The following ABCB4 variants were observed in gnomAD, a reference collection of about 807,000 sequenced individuals.
ABCB4 encodes the protein ATP binding cassette subfamily B member 4, also known as phosphatidylcholine translocator ABCB4.
ABCB4 carries 76 observed loss-of-function variants against 145.7 expected under a neutral mutation model. The observed-to-expected ratio is 0.52, with a 90% confidence interval of 0.43 to 0.63. The LOEUF (loss-of-function observed/expected upper bound fraction) is 0.63. Ranked by LOEUF, ABCB4 falls within the 30% of genes least tolerant of loss-of-function variation. The pLI, the probability that ABCB4 is intolerant of heterozygous loss-of-function variation, is 0.00. For missense variants in ABCB4, 1,234 were observed against 1,553.1 expected (o/e 0.79, Z 3.45); for synonymous variants, 517 against 566.8 (o/e 0.91, Z 1.25).
chr7:87,382,511 A>G, the ABCB4 span: 1 of 1,613,928 alleles, frequency 6.2e-7, no homozygotes, highest in African/African-American at 1.3e-5. Flanking sequence ...TTCAGCTTGC[A>G]CTTCAGCTGG....
chr7:87,375,552 C>A, the ABCB4 span: 1 of 909,358 alleles, frequency 1.1e-6, no homozygotes, highest in Non-Finnish European at 1.7e-6. Flanking sequence ...AAATATTGAT[C>A]AATGTTATGA....
chr7:87,458,409 TAA>T (rs1765376430), intron 4 of ABCB4, among the ~76,000 whole-genome samples: 1 of 152,210 alleles, frequency 6.6e-6, no homozygotes, highest in South Asian at 2.1e-4. Flanking sequence ...GACCCTCTTG[TAA>T]TATGAACCTT....
At chr7:87,394,018 C>T in the ABCB4 span, among the ~76,000 whole-genome samples, 2 of 152,070 alleles carry the variant, frequency 1.3e-5, no homozygotes, top group African/African-American at 2.4e-5. Context: ...ATAAAATATA[C>T]ACAAATCTAC....
chr7:87,462,460 A>G (rs1812524200), intron 4 of ABCB4, among the ~76,000 whole-genome samples: 2 of 152,232 alleles, frequency 1.3e-5, no homozygotes, highest in South Asian at 4.1e-4. Context: ...GCATAGAGAT[A>G]CTCTCATTAC....
At chr7:87,378,575 G>A in the ABCB4 span, among the ~76,000 whole-genome samples, 1 of 152,176 alleles carries the variant, frequency 6.6e-6, no homozygotes, top group Non-Finnish European at 1.5e-5. Flanking sequence ...ACTGCCCAAT[G>A]TGATTGTTGT....
In ABCB4 at chr7:87,408,142, C is replaced by T. The variant is rs772154065; in HGVS notation, c.3174G>A (p.Glu1058=). The T allele has an allele frequency of 2.3e-5, 37 of 1,614,130 alleles. No homozygotes were observed. Among genetic ancestry groups the T allele is most frequent in the Non-Finnish European group, 2.8e-5 (33 of 1,180,044 alleles). The change falls in exon 25 of 28, where the codon GAG becomes GAA. Residue 1058 remains glutamate, a synonymous_variant. Coordinates refer to ENST00000649586, the MANE Select transcript of ABCB4 (RefSeq NM_000443.4). ...GGGCTAGTGTCTGGCCTTTCTTCAC[C>T]TCCAGGCTCAGCCCCTGAAGCACTG... ...NVPVLQGLSL[E]VKKGQTLALV...
At chr7:87,471,761 TGAG>T (rs1435770420) in intron 3 of ABCB4, among the ~76,000 whole-genome samples, 11 of 152,224 alleles carry the variant, frequency 7.2e-5, no homozygotes, top group Admixed American at 6.5e-4. Flanking sequence ...GAAAACCAGA[TGAG>T]GAGACTTCTT....
chr7:87,385,023 G>C, the ABCB4 span, among the ~76,000 whole-genome samples: 7 of 152,004 alleles, frequency 4.6e-5, no homozygotes. Context: ...TTTATTTCTG[G>C]GTTCTCTATT....
In ABCB4 at chr7:87,443,750, T is replaced by G; in HGVS notation, c.1143A>C (p.Ser381=). The G allele has an allele frequency of 6.2e-7, 1 of 1,613,650 alleles. No homozygotes were observed. Among genetic ancestry groups the G allele is most frequent in the Non-Finnish European group, 8.5e-7 (1 of 1,179,634 alleles). ...TGCTGTCTGGTTTGTGTCCTCTCTC[T>G]GAAAAACTGTCAATTTTAGGATTCT... ...IDNNPKIDSF[S]ERGHKPDSIK... Residue 381 remains serine, a synonymous_variant, in exon 11 of 28, where the codon TCA becomes TCC. Transcript: ENST00000649586.
the ABCB4 span, chr7:87,369,789 T>G: frequency 6.6e-6 from 1 of 151,214 alleles, no homozygotes; most frequent in Admixed American, 6.7e-5. Flanking sequence ...CCTGTTGCAA[T>G]GAATTTACAT....
intron 6 of ABCB4, chr7:87,452,352 C>A: frequency 6.0e-6 from 1 of 167,930 alleles, no homozygotes; most frequent in African/African-American, 2.5e-5. Context: ...TGGAGGTTTA[C>A]AAGGCCCTAA....
chr7:87,389,438 C>G, the ABCB4 span, among the ~76,000 whole-genome samples: 36 of 152,102 alleles, frequency 2.4e-4, no homozygotes, highest in Non-Finnish European at 3.1e-4. Flanking sequence ...GAATACTATG[C>G]AGCCATAAAA....
rs1178336780 is a variant in ABCB4, at chr7:87,426,928, A to G, written c.1894-8T>C. 1.9e-6 allele frequency: 3 copies of G among 1,598,728 alleles called. No individual in the cohort carries two copies. The highest frequency in any genetic ancestry group is 2.8e-5 in the African/African-American group (2 of 71,866). The stretch of plus-strand genomic sequence containing the variant: ...GATCTGGCTTCCTGATGTCTGAAAG[A>G]ATATCAAGACATTAAAGTGTGTGTG... On this transcript the variant is annotated splice_region_variant and splice_polypyrimidine_tract_variant and intron_variant, in intron 15 of 27. Transcript: ENST00000649586.
chr7:87,422,321 C>T (rs1220473762), intron 17 of ABCB4, 96 bp from the exon 18 acceptor site: 2 of 938,876 alleles, frequency 2.1e-6, no homozygotes, highest in East Asian at 5.2e-5. Context: ...ATGTTTAAAA[C>T]TAGGCTTCAA....
At chr7:87,375,210 C>T in the ABCB4 span, 1 of 157,552 alleles carries the variant, frequency 6.3e-6, no homozygotes. Flanking sequence ...ACAGTAAGTC[C>T]TCTGGTTAAA....
intron 4 of ABCB4, among the ~76,000 whole-genome samples, chr7:87,462,067 T>C (rs758490569): frequency 1.7e-4 from 26 of 152,308 alleles, no homozygotes; most frequent in South Asian, 4.2e-4. Context: ...GCATGAAAAT[T>C]TTCCTTTCTA....
rs769661643 is a variant in ABCB4, at chr7:87,408,165, C to T, written c.3151G>A (p.Val1051Met). Reference sequence around the variant, plus strand: ...ACCTCCAGGCTCAGCCCCTGAAGCACTGGCACGTTTGCTCGGGTGGGATAG... The same window carrying T: ...ACCTCCAGGCTCAGCCCCTGAAGCATTGGCACGTTTGCTCGGGTGGGATAG... ...FNYPTRANVP[V>M]LQGLSLEVKK... The change falls in exon 25 of 28, where the codon GTG becomes ATG. Residue 1051 changes from valine to methionine, a missense_variant. Val to Met is a conservative substitution (Grantham distance 21). Around this residue, in one of 7 missense-constraint regions of ABCB4, gnomAD observed 301 missense variants for 389.0 expected, o/e 0.77. Coordinates refer to ENST00000649586, the MANE Select transcript of ABCB4 (RefSeq NM_000443.4). 1 of 1,614,210 alleles carries T rather than the reference C, an allele frequency of 6.2e-7. No individual in the cohort carries two copies. Among genetic ancestry groups the T allele is most frequent in the Non-Finnish European group, 8.5e-7 (1 of 1,180,032 alleles).
At chr7:87,381,663 C>T in the ABCB4 span, among the ~76,000 whole-genome samples, 9 of 152,126 alleles carry the variant, frequency 5.9e-5, no homozygotes, top group African/African-American at 1.9e-4. Flanking sequence ...ACCCTCATGA[C>T]CCCAAGCCCC....
At chr7:87,466,426 G>T (rs1364363566) in intron 3 of ABCB4, among the ~76,000 whole-genome samples, 1 of 152,236 alleles carries the variant, frequency 6.6e-6, no homozygotes, top group African/African-American at 2.4e-5. Context: ...TGTGTGATTG[G>T]TGTACCTGAA....
Sources: allele counts gnomAD v4.1 joint callset (sites outside exome capture counted in the v4.1 genomes callset), GRCh38; gene constraint gnomAD v4.1.1; regional missense constraint gnomAD v4.1.1; transcripts MANE v1.5; gene names NCBI Gene and HGNC (gene_info 2026-07-23, HGNC 2026-07-21).